The following USP14 variants were observed in gnomAD, a reference collection of about 807,000 sequenced individuals.
USP14 encodes the protein ubiquitin carboxyl-terminal hydrolase 14.
USP14 carries 38 observed loss-of-function variants against 76.5 expected under a neutral mutation model. The observed-to-expected ratio is 0.50, with a 90% confidence interval of 0.38 to 0.65. USP14 has a LOEUF of 0.65. Among genes scored for constraint, USP14 ranks in the 30% least tolerant of loss-of-function variants. The pLI is 0.00. For missense variants in USP14, 467 were observed against 586.5 expected, an observed-to-expected ratio of 0.80 and a Z score of 2.10; for synonymous variants, 192 against 191.7, an observed-to-expected ratio of 1.00 and a Z score of -0.01.
At position 199,331 on chromosome 18, in the gene USP14, A is replaced by T; in HGVS notation, c.876+15A>T. ...GACTTAAATTGGTAAGGACAATCTC[A>T]GTCCATCCTTGTTGTTTGTGAATTC... is the stretch of plus-strand genomic sequence containing the variant. On this transcript the variant is annotated intron_variant, in intron 10 of 15. Transcript: ENST00000261601. 1 of 1,532,592 alleles carries T rather than the reference A, an allele frequency of 6.5e-7. No homozygotes were observed. The highest frequency in any genetic ancestry group is 9.0e-7 in the Non-Finnish European group (1 of 1,107,640). 94.9% of individuals were successfully genotyped at this position (1,532,592 alleles called of 1,614,324 possible). A position where few individuals can be genotyped will look rare whatever the true frequency, so the allele number is the denominator to read the frequency against.
rs1169775146 is a variant in USP14, at chr18:212,732, C to CTCA, written c.*1451_*1453dup. On this transcript the variant is annotated 3_prime_UTR_variant, in exon 16 of 16. Coordinates refer to ENST00000261601, the MANE Select transcript of USP14 (RefSeq NM_005151.4). ...TAGGCTTCTTACATTTTAATAGTTACTCATCTTTGTTCCAGGACCCTTGAC... is the reference window on the plus strand; with the variant it reads ...TAGGCTTCTTACATTTTAATAGTTACTCATCATCTTTGTTCCAGGACCCTTGAC... 4 of 152,172 alleles carry CTCA rather than the reference C, an allele frequency of 2.6e-5. No individual in the cohort carries two copies. The highest frequency in any genetic ancestry group is 7.2e-5 in the African/African-American group (3 of 41,426). 9.4% of individuals were successfully genotyped at this position (152,172 alleles called of 1,614,324 possible).
chr18:209,080 T>A (rs1490000001), intron 13 of USP14, among the ~76,000 whole-genome samples: 3 of 152,064 alleles, frequency 2.0e-5, no homozygotes, highest in Admixed American at 6.5e-5. Context: ...AGTGCAATCA[T>A]CGACATGTTA....
rs1364679881 is a variant in USP14, at chr18:212,956, G to A, written c.*1672G>A. 6.6e-6 allele frequency: 1 copy of A among 152,182 alleles called. No homozygotes were observed. Among genetic ancestry groups the A allele is most frequent in the Non-Finnish European group, 1.5e-5 (1 of 68,034 alleles). The allele number at this position is 152,182 out of a possible 1,614,324, so 9.4% of individuals were successfully genotyped here. A position where few individuals can be genotyped will look rare whatever the true frequency, so the allele number is the denominator to read the frequency against. On this transcript the variant is annotated 3_prime_UTR_variant, in exon 16 of 16. Transcript: ENST00000261601. Reference sequence around the variant, plus strand: ...ATTTTACTTTCAAATCTGATGTGATGCAATCTGTGAACACTAGGAGGGGAT... The same window carrying A: ...ATTTTACTTTCAAATCTGATGTGATACAATCTGTGAACACTAGGAGGGGAT...
chr18:177,146 A>G (rs1395072854), intron 3 of USP14, among the ~76,000 whole-genome samples: 1 of 151,906 alleles, frequency 6.6e-6, no homozygotes, highest in African/African-American at 2.4e-5. Flanking sequence ...AAAGTATTAC[A>G]TTTTTCTTGT....
At chr18:177,667 C>A in intron 3 of USP14, among the ~76,000 whole-genome samples, 2 of 148,964 alleles carry the variant, frequency 1.3e-5, no homozygotes. Flanking sequence ...ACTTCTGGTC[C>A]TACCTTTTAC....
At chr18:184,602 A>G (rs369953991) in intron 5 of USP14, among the ~76,000 whole-genome samples, 7 of 152,026 alleles carry the variant, frequency 4.6e-5, no homozygotes, top group African/African-American at 1.7e-4. Flanking sequence ...AAACAGACAA[A>G]CAAACAAAAA....
rs1270204628 is a variant in USP14, at chr18:214,365, A to ACTT, written c.*3083_*3085dup. The ACTT allele has an allele frequency of 9.2e-5, 34 of 368,218 alleles. No homozygotes were observed. Among genetic ancestry groups the ACTT allele is most frequent in the South Asian group, 8.7e-4 (20 of 23,038 alleles). The allele number at this position is 368,218 out of a possible 1,614,324, so 22.8% of individuals were successfully genotyped here. A position where few individuals can be genotyped will look rare whatever the true frequency, so the allele number is the denominator to read the frequency against. The stretch of plus-strand genomic sequence containing the variant: ...CATATCCCTAAATAGTGCTTATTTA[A>ACTT]CTTCATTATAAATACATCTACTTAA... On this transcript the variant is annotated 3_prime_UTR_variant, in exon 16 of 16. Transcript: ENST00000261601.
intron 3 of USP14, among the ~76,000 whole-genome samples, chr18:169,454 G>GT (rs1230285130): frequency 1.3e-5 from 2 of 150,476 alleles, no homozygotes; most frequent in African/African-American, 4.9e-5. Flanking sequence ...TTTGTTAAGT[G>GT]TTTTTTCTGT....
chr18:208,554 T>G (rs1010717009), intron 13 of USP14, among the ~76,000 whole-genome samples: 1 of 152,160 alleles, frequency 6.6e-6, no homozygotes, highest in Admixed American at 6.5e-5. Context: ...TTTCACTATA[T>G]CCTATGAATT....
At chr18:196,548 T>G in intron 6 of USP14, 89 bp from the exon 7 acceptor site, 4 of 1,437,470 alleles carry the variant, frequency 2.8e-6, no homozygotes, top group Non-Finnish European at 2.8e-6. Flanking sequence ...TTAAGTAAGT[T>G]TTTGTTTGTA....
rs756443935 is a variant in USP14 at position 158,713 on chromosome 18, C to G, written c.15C>G (p.Ser5=). The G allele has an allele frequency of 6.5e-7, 1 of 1,534,040 alleles. No individual in the cohort carries two copies. The highest frequency in any genetic ancestry group is 1.2e-5 in the South Asian group (1 of 83,396). The change falls in exon 1 of 16, where the codon TCC becomes TCG. Residue 5 remains serine (S), a splice_region_variant and synonymous_variant. Transcript: ENST00000261601. MPLY[S]VTVKWGKEKF... The stretch of plus-strand genomic sequence containing the variant: ...CGCGCCCCGCCATGCCGCTCTACTC[C>G]GGTGAGCCCTGTCCTGGCCTCGCGC...
At chr18:181,033 A>G (rs1363706097) in intron 5 of USP14, among the ~76,000 whole-genome samples, 2 of 151,900 alleles carry the variant, frequency 1.3e-5, no homozygotes, top group African/African-American at 4.8e-5. Context: ...TTATGGCTGA[A>G]TAGTATTTCA....
At chr18:182,879 G>A (rs1003452275) in intron 5 of USP14, among the ~76,000 whole-genome samples, 1 of 152,182 alleles carries the variant, frequency 6.6e-6, no homozygotes, top group Non-Finnish European at 1.5e-5. Context: ...ATGTAGAAAC[G>A]GTGATAGATG....
rs1042843293 is a variant in USP14 at position 198,142 on chromosome 18, T to C, written c.761+10T>C. ...TTGAGTTTGAAACTACGTATCCTTA[T>C]GAGCCAAGATATAGACTATACTCAT... On this transcript the variant is annotated intron_variant, in intron 9 of 15. Transcript: ENST00000261601. 6.3e-7 allele frequency: 1 copy of C among 1,598,858 alleles called. No homozygotes were observed. Among genetic ancestry groups the C allele is most frequent in the Non-Finnish European group, 8.5e-7 (1 of 1,170,510 alleles).
chr18:193,643 A>G (rs535457489), intron 6 of USP14, among the ~76,000 whole-genome samples: 1 of 152,290 alleles, frequency 6.6e-6, no homozygotes, highest in Non-Finnish European at 1.5e-5. Context: ...ATTTCTCTCT[A>G]GATTTGCCTA....
rs998451513 is a variant in USP14, at chr18:192,922, C to T, written c.463+22C>T. The T allele has an allele frequency of 3.8e-6, 6 of 1,599,356 alleles. No individual in the cohort carries two copies. The Admixed American group carries it at 1.0e-4, about 27-fold the overall frequency. On this transcript the variant is annotated intron_variant, in intron 6 of 15. Coordinates refer to ENST00000261601, the MANE Select transcript of USP14 (RefSeq NM_005151.4). ...GCAGGTTTGTATACTAAATATACTA[C>T]TTTTTGATAGGAGTAAGACATTCTA...
intron 3 of USP14, among the ~76,000 whole-genome samples, chr18:173,178 G>C (rs979277166): frequency 6.8e-6 from 1 of 147,380 alleles, no homozygotes; most frequent in Non-Finnish European, 1.5e-5. Flanking sequence ...GCACGATCTC[G>C]GCTCACTGCA....
At chr18:176,615 C>T (rs957058185) in intron 3 of USP14, among the ~76,000 whole-genome samples, 5 of 151,386 alleles carry the variant, frequency 3.3e-5, no homozygotes, top group African/African-American at 9.7e-5. Flanking sequence ...TAGTTTTGCC[C>T]CTAGTTTATT....
intron 1 of USP14, among the ~76,000 whole-genome samples, chr18:160,043 C>CT (rs1323815514): frequency 6.6e-6 from 1 of 152,182 alleles, no homozygotes; most frequent in African/African-American, 2.4e-5. Flanking sequence ...TGGCTCACGC[C>CT]TGTAATCCCA....
Sources: gnomAD v4.1 joint callset for allele counts (sites outside exome capture counted in the v4.1 genomes callset) on GRCh38, gnomAD v4.1.1 for gene constraint, MANE v1.5 for transcripts, NCBI Gene and HGNC (gene_info 2026-07-23, HGNC 2026-07-21) for gene names.